The following MX1 variants were observed in gnomAD, a reference collection of about 807,000 sequenced individuals.
MX1 encodes interferon-induced GTP-binding protein Mx1.
In MX1, 66 loss-of-function variants were observed where a neutral mutation model predicts 66.4. The observed-to-expected ratio is 0.99, with a 90% CI of 0.82 to 1.22. MX1 has a LOEUF of 1.22. Among genes scored for constraint, MX1 ranks in the 50% most tolerant of loss-of-function variants. MX1 has a pLI of 0.00. For missense variants in MX1, 787 were observed against 834.3 expected (o/e 0.94, Z 0.70); for synonymous variants, 311 against 318.1 (o/e 0.98, Z 0.24).
At chr21:41,421,097 A>G (rs536984108) in intron 1 of MX1, among the ~76,000 whole-genome samples, 1 of 152,348 alleles carries the variant, frequency 6.6e-6, no homozygotes, top group South Asian at 2.1e-4. Flanking sequence ...TCACAAGACA[A>G]TAGTGGGGAG....
At chr21:41,439,126 C>A (rs375592698) in intron 7 of MX1, among the ~76,000 whole-genome samples, 6 of 149,722 alleles carry the variant, frequency 4.0e-5, no homozygotes, top group African/African-American at 1.5e-4. Flanking sequence ...ATCAAACATC[C>A]CAAAAAGGCA....
chr21:41,448,849 G>T (rs1386988194), intron 13 of MX1, among the ~76,000 whole-genome samples: 1 of 151,934 alleles, frequency 6.6e-6, no homozygotes, highest in African/African-American at 2.4e-5. Flanking sequence ...AAGTTTCTGC[G>T]TATGTGGGTT....
chr21:41,439,683 C>G lies in MX1; in HGVS notation c.437-11C>G. ...TCTGTTTGGGTTTGATTTTCCCTGTCTCTTTTCTAGCCCAGAATGCCATCG... is the reference window on the plus strand; with the variant it reads ...TCTGTTTGGGTTTGATTTTCCCTGTGTCTTTTCTAGCCCAGAATGCCATCG... On this transcript the variant is annotated splice_polypyrimidine_tract_variant and intron_variant, in intron 7 of 16. Transcript: ENST00000398598. The G allele has an allele frequency of 6.2e-7, 1 of 1,612,428 alleles. No individual in the cohort carries two copies. Among genetic ancestry groups the G allele is most frequent in the Non-Finnish European group, 8.5e-7 (1 of 1,178,640 alleles).
chr21:41,441,169 C>T lies in MX1; in HGVS notation c.730+144C>T, dbSNP rs945489358. 7.2e-5 allele frequency: 88 copies of T among 1,227,524 alleles called. No individual in the cohort carries two copies. The highest frequency in any genetic ancestry group is 9.3e-5 in the Non-Finnish European group (84 of 906,296). The allele number at this position is 1,227,524 out of a possible 1,614,324, so 76.0% of individuals were successfully genotyped here. ...GAGAATGGGGGAGCCCGCCTGTGCT[C>T]GGTGGTCTGCCAGTGGGCAAGCGTC... On this transcript the variant is annotated intron_variant, in intron 9 of 16. Coordinates refer to ENST00000398598, the MANE Select transcript of MX1 (RefSeq NM_002462.5). The surrounding 1 kb of genome is among the most constrained non-coding windows in gnomAD (Gnocchi z 4.0).
At chr21:41,436,156 T>G in intron 6 of MX1, 127 bp downstream of exon 6, 85 of 1,136,458 alleles carry the variant, frequency 7.5e-5, no homozygotes, top group Non-Finnish European at 1.0e-4. Flanking sequence ...AATCAGGGTT[T>G]AGCTTCTCCT....
At chr21:41,456,890 T>G (rs1379101437) in intron 16 of MX1, among the ~76,000 whole-genome samples, 1 of 152,052 alleles carries the variant, frequency 6.6e-6, no homozygotes, top group African/African-American at 2.4e-5. Flanking sequence ...GCCTCCTGAG[T>G]AGCTGGGACT....
chr21:41,441,025 G>T lies in MX1; in HGVS notation c.730G>T (p.Gly244Ter), dbSNP rs892530612. The T allele has an allele frequency of 6.2e-7, 1 of 1,611,020 alleles. No homozygotes were observed. Among genetic ancestry groups the T allele is most frequent in the Non-Finnish European group, 8.5e-7 (1 of 1,178,612 alleles). The change falls in exon 9 of 17, where the codon GGA becomes TGA. Residue 244 changes from glycine to a stop codon, truncating the protein, a stop_gained and splice_region_variant. Transcript: ENST00000398598. LOFTEE classifies it high-confidence loss of function. The surrounding 1 kb of genome is among the most constrained non-coding windows in gnomAD (Gnocchi z 4.0). ...EVDPEGDRTI[G>*]ILTKPDLVDK... ...GGACCCCGAGGGAGACAGGACCATC[G>T]GTGAGAGTGGGGGAGCCCCACTGTG...
intron 12 of MX1, 188 bp from the exon 13 acceptor site, chr21:41,445,812 A>G: frequency 1.2e-6 from 1 of 844,926 alleles, no homozygotes; most frequent in South Asian, 1.8e-5. Context: ...CATCACCCAG[A>G]TCCCTAAGGC....
upstream of MX1, chr21:41,426,073 C>A (rs923055989): frequency 5.9e-6 from 1 of 168,742 alleles, no homozygotes; most frequent in Admixed American, 6.4e-5. Context: ...GAACCTGCGT[C>A]TCCCGCGAGT....
chr21:41,424,306 C>T (rs2090023785), upstream of MX1, among the ~76,000 whole-genome samples: 1 of 151,574 alleles, frequency 6.6e-6, no homozygotes. Flanking sequence ...TTGTGTTCCC[C>T]TTGGATGAAC....
At chr21:41,442,066 C>G in intron 10 of MX1, 152 bp downstream of exon 10, 1 of 713,658 alleles carries the variant, frequency 1.4e-6, no homozygotes, top group East Asian at 2.7e-5. Context: ...TATGCTTGTT[C>G]CCCAACAAGG....
Position 41,456,833 on chromosome 21 carries a change from C to T in MX1, c.1759-1695C>T, listed in dbSNP as rs139042931. Among the ~76,000 whole-genome samples the T allele has an allele frequency of 7.4e-3, 1,122 of 152,278 alleles. 20 individuals are homozygous for T. The highest frequency in any genetic ancestry group is 0.025 in the African/African-American group (1,039 of 41,548). ...CTGGAGTGCAGTGGCGCAGTCTCAG[C>T]TCACTGCAACCTCTGCATCCTGAGA... On this transcript the variant is annotated intron_variant, in intron 16 of 16. Transcript: ENST00000398598.
intron 6 of MX1, 152 bp from the exon 7 acceptor site, chr21:41,436,863 T>C (rs559896961): frequency 2.4e-4 from 212 of 873,260 alleles, no homozygotes; most frequent in Non-Finnish European, 3.5e-4. Flanking sequence ...CACAGTGCGA[T>C]GTCCCCGCAT....
intron 3 of MX1, chr21:41,429,447 C>T (rs1456106745): frequency 6.6e-6 from 1 of 152,174 alleles, no homozygotes; most frequent in Non-Finnish European, 1.5e-5. Flanking sequence ...TGCTCCTTAT[C>T]TGGCTGCAGA....
rs1029829327 is a variant in MX1 at position 41,435,760 on chromosome 21, G to A, written c.106-77G>A. The A allele has an allele frequency of 2.4e-5, 35 of 1,477,280 alleles. No individual in the cohort carries two copies. In the African/African-American group the frequency reaches 4.9e-4, roughly 21 times the overall value. 91.5% of individuals were successfully genotyped at this position (1,477,280 alleles called of 1,614,324 possible). A position where few individuals can be genotyped will look rare whatever the true frequency, so the allele number is the denominator to read the frequency against. Reference sequence around the variant, plus strand: ...GATTACAATTCGAGATGAGATTTGGGTAGGGACACAGAACCAAACCATATC... The same window carrying A: ...GATTACAATTCGAGATGAGATTTGGATAGGGACACAGAACCAAACCATATC... On this transcript the variant is annotated intron_variant, in intron 5 of 16. Coordinates refer to ENST00000398598, the MANE Select transcript of MX1 (RefSeq NM_002462.5).
At position 41,441,807 on chromosome 21, in the gene MX1, T is replaced by A. The variant is rs1210597514; in HGVS notation, c.822T>A (p.Gly274=). The change falls in exon 10 of 17, where the codon GGT becomes GGA. Residue 274 remains glycine (G), a synonymous_variant. Coordinates refer to ENST00000398598, the MANE Select transcript of MX1 (RefSeq NM_002462.5). This position sits in a 1 kb window ranked among gnomAD's most constrained non-coding sequence, Gnocchi z 4.0. The part of the protein sequence containing the change: ...VRNLVFHLKK[G]YMIVKCRGQQ... Reference sequence around the variant, plus strand: ...ACCTCGTGTTCCACCTGAAGAAGGGTTACATGATTGTCAAGTGCCGGGGCC... The same window carrying A: ...ACCTCGTGTTCCACCTGAAGAAGGGATACATGATTGTCAAGTGCCGGGGCC... 6.2e-7 allele frequency: 1 copy of A among 1,613,860 alleles called. No individual in the cohort carries two copies. Among genetic ancestry groups the A allele is most frequent in the Non-Finnish European group, 8.5e-7 (1 of 1,179,992 alleles).
At chr21:41,452,122 C>G (rs910548761) in intron 15 of MX1, among the ~76,000 whole-genome samples, 1 of 152,166 alleles carries the variant, frequency 6.6e-6, no homozygotes, top group Non-Finnish European at 1.5e-5. Context: ...TAGGATGCAC[C>G]TGCCACTGTG....
At chr21:41,424,262 T>C (rs2090022890), upstream of MX1, among the ~76,000 whole-genome samples, 1 of 144,120 alleles carries the variant, frequency 6.9e-6, no homozygotes, top group Non-Finnish European at 1.5e-5. Flanking sequence ...TGTGTGTGTG[T>C]TAAAGTGAGG....
intron 13 of MX1, among the ~76,000 whole-genome samples, chr21:41,448,519 G>A (rs1157405343): frequency 6.6e-6 from 1 of 152,112 alleles, no homozygotes; most frequent in Non-Finnish European, 1.5e-5. Flanking sequence ...TTAAGAAGGG[G>A]TCTTGGCCGG....
Sources: gnomAD v4.1 joint callset for allele counts (sites outside exome capture counted in the v4.1 genomes callset) on GRCh38, gnomAD v4.1.1 for gene constraint, Gnocchi (gnomAD v3.1) non-coding constraint, MANE v1.5 for transcripts, NCBI Gene and HGNC (gene_info 2026-07-23, HGNC 2026-07-21) for gene names.